The following NEBL variants were observed in gnomAD, a reference collection of about 807,000 sequenced individuals.
NEBL encodes the protein nebulette, also known as LIM and SH3 protein 2.
In NEBL, 122 loss-of-function variants were observed where a neutral mutation model predicts 140.2. The observed-to-expected ratio is 0.87, with a 90% CI of 0.75 to 1.01. The LOEUF is 1.01. Ranked by LOEUF, NEBL falls within the 50% of genes least tolerant of loss-of-function variation. The probability of loss-of-function intolerance (pLI) is 0.00; values close to 1 mark genes in which losing one functional copy is unlikely to be tolerated. For synonymous variants in NEBL, 436 were observed against 398.9 expected (o/e 1.09, Z -1.11); for missense variants, 1,365 against 1,231.3 (o/e 1.11, Z -1.62).
intron 4 of NEBL, among the ~76,000 whole-genome samples, chr10:20,952,058 A>G (rs1835498627): frequency 6.6e-6 from 1 of 152,208 alleles, no homozygotes; most frequent in Non-Finnish European, 1.5e-5. Context: ...TGGAAAACTT[A>G]AAAACTTCAC....
chr10:21,148,634 G>A (rs1185256986), intron 2 of NEBL, among the ~76,000 whole-genome samples: 4 of 152,014 alleles, frequency 2.6e-5, no homozygotes, highest in Admixed American at 2.0e-4. Flanking sequence ...GAAGCGATTG[G>A]CCTGCCTCAG....
chr10:20,881,680 C>A (rs1308227818), intron 4 of NEBL, among the ~76,000 whole-genome samples: 2 of 152,204 alleles, frequency 1.3e-5, no homozygotes, highest in Non-Finnish European at 2.9e-5. Flanking sequence ...TCTTCCCTTA[C>A]TAAACACAAC....
chr10:21,146,289 C>T (rs906495574), intron 2 of NEBL: 24 of 1,443,836 alleles, frequency 1.7e-5, no homozygotes, highest in Non-Finnish European at 2.1e-5. Context: ...CACCACGTGG[C>T]CCTGTCTCAG....
chr10:21,018,503 C>G (rs1002630847), intron 3 of NEBL, among the ~76,000 whole-genome samples: 13 of 152,180 alleles, frequency 8.5e-5, no homozygotes, highest in African/African-American at 3.1e-4. Flanking sequence ...AACCAGTATA[C>G]AAACACCAGC....
At position 21,173,895 on chromosome 10, in the gene NEBL, TC is replaced by T; in HGVS notation, c.-63del. 1 of 1,580,576 alleles carries T rather than the reference TC, an allele frequency of 6.3e-7. No homozygotes were observed. ...CTGGCTCCCAGGAGCCGCTGTGACA[TC>T]CCCCGGCGAGCCCCGCACCGCCTCC... On this transcript the variant is annotated 5_prime_UTR_variant, in exon 1 of 7. Coordinates refer to the NEBL transcript ENST00000417816. This position sits in a 1 kb window ranked among gnomAD's most constrained non-coding sequence, Gnocchi z 5.7.
intron 12 of NEBL, among the ~76,000 whole-genome samples, chr10:20,842,469 G>T (rs1841489425): frequency 6.6e-6 from 1 of 152,026 alleles, no homozygotes; most frequent in Admixed American, 6.6e-5. Context: ...AGTAAAAAAT[G>T]CAAAGTTCAT....
chr10:21,188,397 T>C (rs1269965090), intron 3 of NEBL, among the ~76,000 whole-genome samples: 1 of 152,132 alleles, frequency 6.6e-6, no homozygotes, highest in Non-Finnish European at 1.5e-5. Flanking sequence ...TTTTCACAAG[T>C]GTGATATAAA....
chr10:20,989,629 G>C (rs1365157124), intron 3 of NEBL, among the ~76,000 whole-genome samples: 1 of 152,122 alleles, frequency 6.6e-6, no homozygotes. Flanking sequence ...AAAACTTCAT[G>C]AAGTACTAGC....
At chr10:21,108,138 G>C (rs1259502243) in intron 2 of NEBL, among the ~76,000 whole-genome samples, 2 of 152,040 alleles carry the variant, frequency 1.3e-5, no homozygotes, top group Non-Finnish European at 2.9e-5. Context: ...GATTTTTGAA[G>C]GGGTTTTTAT....
At chr10:21,097,853 A>C (rs1319602849) in intron 2 of NEBL, among the ~76,000 whole-genome samples, 2 of 152,218 alleles carry the variant, frequency 1.3e-5, no homozygotes, top group Non-Finnish European at 1.5e-5. Flanking sequence ...TGTAATAGTC[A>C]CAGCTCCATG....
At chr10:21,010,419 ATT>A (rs35635365) in intron 3 of NEBL, among the ~76,000 whole-genome samples, 21,418 of 140,664 alleles carry the variant, frequency 0.15, 2,352 homozygotes, top group East Asian at 0.54. Flanking sequence ...GAATTTTTTA[ATT>A]TTTTTTTTTT....
intron 2 of NEBL, among the ~76,000 whole-genome samples, chr10:21,100,761 T>C (rs562018390): frequency 6.6e-6 from 1 of 152,218 alleles, no homozygotes; most frequent in Non-Finnish European, 1.5e-5. Flanking sequence ...TCATTCTATA[T>C]CCTTCCATGA....
In NEBL at chr10:21,289,210, G is replaced by T. The variant is rs932408630; in HGVS notation, n.182+3620C>A. Among the ~76,000 whole-genome samples the T allele has an allele frequency of 1.3e-5, 2 of 151,326 alleles. 1 individual carries two copies. Among genetic ancestry groups the T allele is most frequent in the South Asian group, 4.2e-4 (2 of 4,800 alleles). On this transcript the variant is annotated intron_variant and non_coding_transcript_variant, in intron 1 of 8. Coordinates refer to the NEBL transcript ENST00000675702. ...AGCCCGGTTGTTCCCAAACTGGAAA[G>T]AATGAGCAGGAACATAATTGCACCT...
At chr10:21,127,748 G>C (rs1838906418) in intron 2 of NEBL, among the ~76,000 whole-genome samples, 3 of 150,542 alleles carry the variant, frequency 2.0e-5, no homozygotes, top group Admixed American at 2.0e-4. Context: ...GGAATTAAAA[G>C]GGGGAAAGGA....
At chr10:20,931,771 C>T (rs1216926435) in intron 4 of NEBL, among the ~76,000 whole-genome samples, 1 of 151,992 alleles carries the variant, frequency 6.6e-6, no homozygotes, top group African/African-American at 2.4e-5. Context: ...CACCCCAGCC[C>T]CATATTCTAT....
intron 3 of NEBL, among the ~76,000 whole-genome samples, chr10:21,227,704 C>CTTCT (rs1842177730): frequency 1.3e-5 from 1 of 74,888 alleles, no homozygotes; most frequent in South Asian, 4.6e-4. Context: ...TCTTCTTCTT[C>CTTCT]TTCTTCTTTC....
intron 3 of NEBL, among the ~76,000 whole-genome samples, chr10:20,996,202 G>C (rs10828167): frequency 0.097 from 14,688 of 152,170 alleles, 1,571 homozygotes; most frequent in East Asian, 0.38. Flanking sequence ...GATGTGATAC[G>C]CTTTCAAGGT....
At chr10:20,868,633 A>T in intron 7 of NEBL, 31 bp downstream of exon 7, 1 of 1,390,326 alleles carries the variant, frequency 7.2e-7, no homozygotes. Flanking sequence ...ATCTGAATAA[A>T]GTCATTGTGG....
intron 2 of NEBL, among the ~76,000 whole-genome samples, chr10:21,102,742 T>C (rs1837531029): frequency 5.3e-5 from 8 of 152,248 alleles, no homozygotes; most frequent in Admixed American, 5.2e-4. Context: ...GTTTGTAGTT[T>C]AGAGCTATCA....
Sources: allele counts gnomAD v4.1 joint callset (sites outside exome capture counted in the v4.1 genomes callset), GRCh38; gene constraint gnomAD v4.1.1; non-coding constraint Gnocchi (gnomAD v3.1); transcripts MANE v1.5; gene names NCBI Gene and HGNC (gene_info 2026-07-23, HGNC 2026-07-21).